Variants in TMEM108 observed in about 807,000 individuals in gnomAD.
TMEM108 encodes transmembrane protein 108.
A neutral mutation model predicts 35.1 loss-of-function variants in TMEM108; 12 were observed. The ratio of observed to expected loss-of-function variants is 0.34; its 90% CI spans 0.22 to 0.55. The LOEUF (loss-of-function observed/expected upper bound fraction) is 0.55, where lower values mean the gene tolerates loss of function less well. TMEM108 is among the 20% of genes least tolerant of loss of function. The pLI, the probability that TMEM108 is intolerant of heterozygous loss-of-function variation, is 0.89. For synonymous variants in TMEM108, 287 were observed against 308.6 expected, an observed-to-expected ratio of 0.93 and a Z score of 0.73; for missense variants, 680 against 753.3, an observed-to-expected ratio of 0.90 and a Z score of 1.14.
chr3:133,297,966 G>A (rs1348396989), intron 3 of TMEM108, among the ~76,000 whole-genome samples: 1 of 152,140 alleles, frequency 6.6e-6, no homozygotes, highest in Non-Finnish European at 1.5e-5. Context: ...ACAAGTCCCT[G>A]ACAAATGAGA....
intron 3 of TMEM108, among the ~76,000 whole-genome samples, chr3:133,252,463 G>A (rs1946485530): frequency 1.3e-5 from 2 of 152,146 alleles, no homozygotes; most frequent in African/African-American, 4.8e-5. Context: ...TCGTGAGCCT[G>A]CAACTATACA....
chr3:133,380,819 G>T lies in TMEM108; in HGVS notation c.1108G>T (p.Ala370Ser). 1 of 1,614,122 alleles carries T rather than the reference G, an allele frequency of 6.2e-7. No homozygotes were observed. The highest frequency in any genetic ancestry group is 8.5e-7 in the Non-Finnish European group (1 of 1,180,020). The change falls in exon 4 of 6, where the codon GCC becomes TCC. Residue 370 changes from alanine to serine, a missense_variant. Ala to Ser is a moderately conservative substitution (Grantham distance 99, BLOSUM62 1). This residue lies in a region of TMEM108 where 526 missense variants were observed against 532.1 expected (regional missense o/e 0.99). Transcript: ENST00000321871. This position sits in a 1 kb window ranked among gnomAD's most constrained non-coding sequence, Gnocchi z 5.3. ...AGCTGCCTTCGATACCAGTGTCTCA[G>T]CCCCTTCCCAGGGGATTCCTCAGGG... ...TPAAFDTSVS[A>S]PSQGIPQGAS...
At chr3:133,130,457 C>G (rs1944475858) in intron 2 of TMEM108, among the ~76,000 whole-genome samples, 1 of 152,180 alleles carries the variant, frequency 6.6e-6, no homozygotes. Flanking sequence ...GGAAGACAGA[C>G]AGCTGGGCTC....
At position 133,083,241 on chromosome 3, in the gene TMEM108, C is replaced by T. The variant is rs139659363; in HGVS notation, c.-47+37221C>T. Among the ~76,000 whole-genome samples the T allele has an allele frequency of 8.7e-3, 1,264 of 145,106 alleles. 25 individuals are homozygous for T. Among genetic ancestry groups the T allele is most frequent in the African/African-American group, 0.03 (1,175 of 39,606 alleles). On this transcript the variant is annotated intron_variant, in intron 2 of 5. Transcript: ENST00000321871. ...GTTTCCCATGTGATCCATCTGTATC[C>T]TGTACATGCCTCTGTTACAGCACAT...
At chr3:133,364,494 G>A (rs140919145) in intron 3 of TMEM108, among the ~76,000 whole-genome samples, 1,861 of 152,226 alleles carry the variant, frequency 0.012, 21 homozygotes, top group Non-Finnish European at 0.021. Context: ...ATTTGAAATC[G>A]CCTAGTCATA....
chr3:133,308,864 T>A (rs1446311938), intron 3 of TMEM108, among the ~76,000 whole-genome samples: 1 of 152,210 alleles, frequency 6.6e-6, no homozygotes, highest in Non-Finnish European at 1.5e-5. Context: ...ATCAGGATGA[T>A]ACTGGCCTCA....
At chr3:133,338,004 C>T (rs1010196680) in intron 3 of TMEM108, among the ~76,000 whole-genome samples, 4 of 151,692 alleles carry the variant, frequency 2.6e-5, no homozygotes, top group African/African-American at 7.3e-5. Context: ...AAATACACGT[C>T]GGAGGAGGCA....
intron 2 of TMEM108, among the ~76,000 whole-genome samples, chr3:133,073,526 A>ATATATATATATATATATT (rs1195384146): frequency 7.0e-4 from 82 of 116,634 alleles, no homozygotes; most frequent in East Asian, 2.4e-3. Flanking sequence ...ATATATATAT[A>ATATATATATATATATATT]TATATATATC....
At chr3:133,194,181 C>G (rs1363550219) in intron 2 of TMEM108, among the ~76,000 whole-genome samples, 1 of 152,016 alleles carries the variant, frequency 6.6e-6, no homozygotes, top group Non-Finnish European at 1.5e-5. Flanking sequence ...GTGATCCGCC[C>G]GCCTCAGCCT....
chr3:133,266,990 G>A (rs1398546994), intron 3 of TMEM108, among the ~76,000 whole-genome samples: 1 of 149,858 alleles, frequency 6.7e-6, no homozygotes, highest in Non-Finnish European at 1.5e-5. Context: ...TGAGGCAGGA[G>A]AATGGCGTGA....
chr3:133,309,126 T>C (rs1323250878), intron 3 of TMEM108, among the ~76,000 whole-genome samples: 1 of 152,250 alleles, frequency 6.6e-6, no homozygotes. Flanking sequence ...CCATTTCTTC[T>C]AGATTTTCTA....
chr3:133,043,461 A>G (rs966339686), intron 1 of TMEM108, among the ~76,000 whole-genome samples: 2 of 152,228 alleles, frequency 1.3e-5, no homozygotes, highest in Non-Finnish European at 2.9e-5. Context: ...AAATGATGCT[A>G]ATAGCATTTT....
intron 3 of TMEM108, among the ~76,000 whole-genome samples, chr3:133,295,387 C>T (rs1947130411): frequency 6.6e-6 from 1 of 152,044 alleles, no homozygotes; most frequent in African/African-American, 2.4e-5. Context: ...GGTGGTAGGC[C>T]CATTAGGGAA....
intron 3 of TMEM108, among the ~76,000 whole-genome samples, chr3:133,327,653 T>G (rs886301116): frequency 6.6e-6 from 1 of 152,180 alleles, no homozygotes; most frequent in African/African-American, 2.4e-5. Context: ...TCTTTTGCCC[T>G]TGTCAGTCTT....
intron 2 of TMEM108, among the ~76,000 whole-genome samples, chr3:133,166,487 C>G (rs959575295): frequency 1.9e-4 from 29 of 152,160 alleles, no homozygotes; most frequent in Non-Finnish European, 3.2e-4. Context: ...GATGGTGTGT[C>G]CGGAGTTTGT....
chr3:133,173,493 T>C (rs1321675360), intron 2 of TMEM108, among the ~76,000 whole-genome samples: 2 of 152,228 alleles, frequency 1.3e-5, no homozygotes, highest in East Asian at 1.9e-4. Context: ...TTTTGACTTA[T>C]GGAAAAAAGA....
chr3:133,369,418 C>T (rs923768265), intron 3 of TMEM108, among the ~76,000 whole-genome samples: 5 of 152,162 alleles, frequency 3.3e-5, no homozygotes, highest in African/African-American at 1.2e-4. Context: ...GGTAATCTAG[C>T]CCCGTGGTAC....
chr3:133,215,763 A>AT (rs1057192179), intron 2 of TMEM108, among the ~76,000 whole-genome samples: 3 of 151,708 alleles, frequency 2.0e-5, no homozygotes, highest in Non-Finnish European at 2.9e-5. Flanking sequence ...ATATACCTGT[A>AT]TTTTTTTTCC....
intron 3 of TMEM108, among the ~76,000 whole-genome samples, chr3:133,351,309 G>A (rs1269539762): frequency 1.3e-5 from 2 of 152,076 alleles, no homozygotes; most frequent in African/African-American, 2.4e-5. Flanking sequence ...TCACCCTTAC[G>A]GCCCTGCTTA....
Sources: gnomAD v4.1 joint callset for allele counts (sites outside exome capture counted in the v4.1 genomes callset) on GRCh38, gnomAD v4.1.1 for gene constraint, gnomAD v4.1.1 regional missense constraint, Gnocchi (gnomAD v3.1) non-coding constraint, MANE v1.5 for transcripts, NCBI Gene and HGNC (gene_info 2026-07-23, HGNC 2026-07-21) for gene names.